Variants in MAP4K3 observed in about 807,000 individuals in gnomAD.
MAP4K3 encodes MAPK/ERK kinase kinase kinase 3.
MAP4K3 carries 94 observed loss-of-function variants against 143.5 expected under a neutral mutation model. The ratio of observed to expected loss-of-function variants is 0.65; its 90% CI spans 0.55 to 0.78. The LOEUF (loss-of-function observed/expected upper bound fraction) is 0.78. Ranked by LOEUF, MAP4K3 falls within the 30% of genes least tolerant of loss-of-function variation. The pLI is 0.00. For missense variants in MAP4K3, 1,077 were observed against 1,068.1 expected, an observed-to-expected ratio of 1.01 and a Z score of -0.12; for synonymous variants, 416 against 347.2, an observed-to-expected ratio of 1.20 and a Z score of -2.20.
intron 1 of MAP4K3, among the ~76,000 whole-genome samples, chr2:39,415,793 A>G (rs1223055469): frequency 6.7e-6 from 1 of 150,256 alleles, no homozygotes; most frequent in Non-Finnish European, 1.5e-5. Flanking sequence ...CTCTACCAAA[A>G]ATACAAAATA....
At chr2:39,324,627 C>A (rs1683428222) in intron 12 of MAP4K3, among the ~76,000 whole-genome samples, 1 of 152,128 alleles carries the variant, frequency 6.6e-6, no homozygotes, top group African/African-American at 2.4e-5. Context: ...TTTCTAAACA[C>A]TTCACCTTCA....
At chr2:39,403,607 A>T (rs1010170052) in intron 1 of MAP4K3, among the ~76,000 whole-genome samples, 1 of 151,990 alleles carries the variant, frequency 6.6e-6, no homozygotes, top group African/African-American at 2.4e-5. Context: ...AAGCCTCCCC[A>T]CCATGGGATG....
intron 6 of MAP4K3, among the ~76,000 whole-genome samples, chr2:39,333,908 T>G (rs1247191558): frequency 6.6e-6 from 1 of 152,038 alleles, no homozygotes; most frequent in African/African-American, 2.4e-5. Context: ...AACCGTACAA[T>G]GCATTTTCAA....
chr2:39,413,533 C>G (rs945136778), intron 1 of MAP4K3, among the ~76,000 whole-genome samples: 15 of 152,104 alleles, frequency 9.9e-5, no homozygotes, highest in African/African-American at 3.6e-4. Flanking sequence ...AAAAATGGGT[C>G]ACATCCAGTC....
At chr2:39,273,112 A>C (rs1442565949) in intron 24 of MAP4K3, among the ~76,000 whole-genome samples, 3 of 152,182 alleles carry the variant, frequency 2.0e-5, no homozygotes, top group Admixed American at 6.5e-5. Flanking sequence ...ATAAGAACTG[A>C]GAGGCATCTC....
chr2:39,300,597 A>G (rs760395091), intron 15 of MAP4K3, among the ~76,000 whole-genome samples: 31 of 152,234 alleles, frequency 2.0e-4, no homozygotes, highest in Non-Finnish European at 4.4e-4. Flanking sequence ...TGTTTTAACC[A>G]TTAAGGGGGA....
intron 16 of MAP4K3, among the ~76,000 whole-genome samples, chr2:39,298,169 A>C (rs1436844525): frequency 6.6e-6 from 1 of 152,140 alleles, no homozygotes; most frequent in Non-Finnish European, 1.5e-5. Context: ...TAACATAAAA[A>C]CACTTCAAAA....
At chr2:39,299,005 A>T (rs898951018) in intron 16 of MAP4K3, among the ~76,000 whole-genome samples, 53 of 151,524 alleles carry the variant, frequency 3.5e-4, no homozygotes, top group African/African-American at 1.2e-3. Context: ...TGTTCTGACT[A>T]TTAAAATAAT....
At chr2:39,382,948 A>G (rs1666391388) in intron 1 of MAP4K3, among the ~76,000 whole-genome samples, 1 of 152,184 alleles carries the variant, frequency 6.6e-6, no homozygotes, top group South Asian at 2.1e-4. Flanking sequence ...AGGGATGGGG[A>G]AAAGGGCACA....
chr2:39,313,186 G>A (rs1393844877), intron 13 of MAP4K3, among the ~76,000 whole-genome samples: 9 of 152,072 alleles, frequency 5.9e-5, no homozygotes, highest in African/African-American at 1.4e-4. Context: ...CCCAGTCTGC[G>A]GCACTGTTTA....
At chr2:39,304,658 T>G (rs867959300) in intron 15 of MAP4K3, among the ~76,000 whole-genome samples, 1 of 152,200 alleles carries the variant, frequency 6.6e-6, no homozygotes, top group Non-Finnish European at 1.5e-5. Flanking sequence ...GAAAATAGTA[T>G]GGCAGTTTCT....
At chr2:39,275,364 T>C (rs572466620) in intron 24 of MAP4K3, among the ~76,000 whole-genome samples, 2 of 152,266 alleles carry the variant, frequency 1.3e-5, no homozygotes, top group East Asian at 1.9e-4. Flanking sequence ...CATGTGGCTG[T>C]AGTCCCAGCT....
chr2:39,411,245 C>T (rs974490461), intron 1 of MAP4K3, among the ~76,000 whole-genome samples: 1 of 152,170 alleles, frequency 6.6e-6, no homozygotes, highest in African/African-American at 2.4e-5. Flanking sequence ...AGAGTACAGA[C>T]AGAAAGCCAG....
At chr2:39,381,108 T>G (rs1666345675) in intron 1 of MAP4K3, among the ~76,000 whole-genome samples, 1 of 152,204 alleles carries the variant, frequency 6.6e-6, no homozygotes, top group African/African-American at 2.4e-5. Context: ...GCACTTGGTG[T>G]AATGCTTTCA....
At chr2:39,293,556 C>T (rs1682144136) in intron 16 of MAP4K3, among the ~76,000 whole-genome samples, 1 of 151,978 alleles carries the variant, frequency 6.6e-6, no homozygotes, top group Non-Finnish European at 1.5e-5. Context: ...GACAACTCAC[C>T]ATGGAATGTC....
chr2:39,285,248 C>T (rs545777413), intron 21 of MAP4K3, among the ~76,000 whole-genome samples: 1 of 152,100 alleles, frequency 6.6e-6, no homozygotes, highest in South Asian at 2.1e-4. Context: ...TACTGTTTAT[C>T]CTATGATAGA....
Position 39,293,258 on chromosome 2 carries a change from T to C in MAP4K3, c.1189A>G (p.Lys397Glu). 1 of 1,544,748 alleles carries C rather than the reference T, an allele frequency of 6.5e-7. No individual in the cohort carries two copies. Among genetic ancestry groups the C allele is most frequent in the South Asian group, 1.2e-5 (1 of 81,610 alleles). Residue 397 changes from lysine to glutamate, a missense_variant, in exon 17 of 34, where the codon AAG becomes GAG. By Grantham distance (56) the Lys-to-Glu change is moderately conservative. Around this residue, in one of 2 missense-constraint regions of MAP4K3, gnomAD observed 864 missense variants for 801.2 expected, o/e 1.08. Transcript: ENST00000263881. ...TGATGCAATTCTTCTTCAACAGACT[T>C]GAGAAGACTCCTTAAAAGAAAAAAC... ...YFLGANKSLL[K>E]SVEEELHQRG...
intron 30 of MAP4K3, 33 bp from the exon 31 acceptor site, chr2:39,258,473 TAAAAG>T: frequency 6.2e-7 from 1 of 1,601,254 alleles, no homozygotes; most frequent in South Asian, 1.1e-5. Flanking sequence ...GAAACTAAGA[TAAAAG>T]AAGTCTTATT....
At chr2:39,261,685 T>C (rs1680573903) in intron 28 of MAP4K3, among the ~76,000 whole-genome samples, 1 of 152,050 alleles carries the variant, frequency 6.6e-6, no homozygotes, top group Non-Finnish European at 1.5e-5. Context: ...GCAAAACAGA[T>C]AAAATTACGG....
Sources: allele counts gnomAD v4.1 joint callset (sites outside exome capture counted in the v4.1 genomes callset), GRCh38; gene constraint gnomAD v4.1.1; regional missense constraint gnomAD v4.1.1; transcripts MANE v1.5; gene names NCBI Gene and HGNC (gene_info 2026-07-23, HGNC 2026-07-21).